Variants in GALNT13 observed in about 807,000 individuals in gnomAD.
GALNT13 encodes UDP-GalNAc:polypeptide N-acetylgalactosaminyltransferase 13.
A neutral mutation model predicts 64.2 loss-of-function variants in GALNT13; 28 were observed. The observed-to-expected ratio is 0.44, with a 90% CI of 0.32 to 0.60. The LOEUF (loss-of-function observed/expected upper bound fraction) is 0.60. GALNT13 is among the 20% of genes least tolerant of loss of function. GALNT13 has a pLI of 0.05. For missense variants in GALNT13, 577 were observed against 669.8 expected (o/e 0.86, Z 1.53); for synonymous variants, 214 against 224.6 (o/e 0.95, Z 0.42).
chr2:153,358,924 C>A, the GALNT13 span, among the ~76,000 whole-genome samples: 5 of 152,078 alleles, frequency 3.3e-5, no homozygotes, highest in African/African-American at 9.7e-5. Context: ...AAAACATAGG[C>A]ATGAGATCAT....
At chr2:154,412,286 C>T (rs1699828202) in intron 11 of GALNT13, among the ~76,000 whole-genome samples, 1 of 151,648 alleles carries the variant, frequency 6.6e-6, no homozygotes, top group South Asian at 2.1e-4. Flanking sequence ...ATACTAGGAA[C>T]CTGTTTCAGG....
chr2:154,154,992 A>T (rs1483444808), intron 4 of GALNT13, among the ~76,000 whole-genome samples: 2 of 151,798 alleles, frequency 1.3e-5, no homozygotes, highest in Non-Finnish European at 2.9e-5. Context: ...ACAAAGAGAA[A>T]CACATAAATG....
intron 10 of GALNT13, among the ~76,000 whole-genome samples, chr2:154,408,124 C>A (rs1699636599): frequency 6.6e-6 from 1 of 152,002 alleles, no homozygotes; most frequent in South Asian, 2.1e-4. Flanking sequence ...GGGGTTGAGA[C>A]TAAGTAAAAA....
chr2:154,289,597 A>G (rs919300742), intron 8 of GALNT13, among the ~76,000 whole-genome samples: 4 of 152,156 alleles, frequency 2.6e-5, no homozygotes, highest in African/African-American at 9.7e-5. Flanking sequence ...CCATGATTCA[A>G]TTACCTCCCA....
At chr2:153,825,084 A>G in the GALNT13 span, among the ~76,000 whole-genome samples, 1 of 152,156 alleles carries the variant, frequency 6.6e-6, no homozygotes, top group Non-Finnish European at 1.5e-5. Flanking sequence ...CAGGTATTCA[A>G]CCAAATGCTA....
the GALNT13 span, among the ~76,000 whole-genome samples, chr2:153,549,525 G>A: frequency 2.6e-5 from 4 of 152,184 alleles, no homozygotes; most frequent in African/African-American, 7.2e-5. Context: ...AGAGCTCCAA[G>A]AGAAATTGTG....
intron 9 of GALNT13, among the ~76,000 whole-genome samples, chr2:154,349,169 A>T (rs1188899254): frequency 6.6e-6 from 1 of 152,210 alleles, no homozygotes; most frequent in Non-Finnish European, 1.5e-5. Flanking sequence ...GTATAATCCA[A>T]GGAGAGAGCT....
chr2:154,150,060 G>A (rs1683890656), intron 4 of GALNT13, among the ~76,000 whole-genome samples: 1 of 152,102 alleles, frequency 6.6e-6, no homozygotes, highest in Non-Finnish European at 1.5e-5. Flanking sequence ...TATTCGCTGT[G>A]GGTTTGTCAT....
chr2:153,092,963 A>G, the GALNT13 span, among the ~76,000 whole-genome samples: 4 of 151,434 alleles, frequency 2.6e-5, no homozygotes, highest in Admixed American at 2.0e-4. Flanking sequence ...GTTTTTTCCC[A>G]TTTAATATAT....
chr2:153,366,599 A>G, the GALNT13 span, among the ~76,000 whole-genome samples: 19 of 151,962 alleles, frequency 1.3e-4, no homozygotes, highest in Admixed American at 1.3e-4. Context: ...AGAAAATGGA[A>G]GAAATATTTG....
chr2:153,308,926 A>C, the GALNT13 span, among the ~76,000 whole-genome samples: 466 of 152,206 alleles, frequency 3.1e-3, 2 homozygotes, highest in African/African-American at 0.011. Context: ...AGAGAAAAAA[A>C]ATTTTTTTTA....
chr2:153,757,263 T>C, the GALNT13 span, among the ~76,000 whole-genome samples: 2 of 151,706 alleles, frequency 1.3e-5, no homozygotes, highest in Non-Finnish European at 2.9e-5. Context: ...TACAAGAACA[T>C]GTGGCCTTTG....
chr2:153,869,243 T>C (rs538882511), upstream of GALNT13, among the ~76,000 whole-genome samples: 2 of 152,194 alleles, frequency 1.3e-5, no homozygotes, highest in Non-Finnish European at 2.9e-5. Flanking sequence ...ACTAATTTGA[T>C]TATAAATAAA....
intron 9 of GALNT13, among the ~76,000 whole-genome samples, chr2:154,381,763 G>A (rs1698284919): frequency 6.6e-6 from 1 of 152,022 alleles, no homozygotes; most frequent in African/African-American, 2.4e-5. Context: ...GCAAATGGTT[G>A]GAACTTTGAT....
At chr2:153,248,790 TG>T in the GALNT13 span, among the ~76,000 whole-genome samples, 1 of 123,412 alleles carries the variant, frequency 8.1e-6, no homozygotes, top group African/African-American at 3.2e-5. Context: ...CGCTCCAGCC[TG>T]GGCGACTGAG....
At chr2:154,380,382 T>A (rs181244555) in intron 9 of GALNT13, among the ~76,000 whole-genome samples, 1 of 152,162 alleles carries the variant, frequency 6.6e-6, no homozygotes. Flanking sequence ...GATTCTAGGA[T>A]GACATTTTGG....
chr2:153,529,450 C>T, the GALNT13 span, among the ~76,000 whole-genome samples: 1 of 151,796 alleles, frequency 6.6e-6, no homozygotes, highest in Non-Finnish European at 1.5e-5. Flanking sequence ...AGCTCAGCAA[C>T]TAATGGCTTC....
intron 4 of GALNT13, among the ~76,000 whole-genome samples, chr2:154,141,062 T>G (rs541192082): frequency 6.6e-6 from 1 of 152,232 alleles, no homozygotes; most frequent in East Asian, 1.9e-4. Context: ...TTTTTGTATC[T>G]AAACATAGAA....
intron 3 of GALNT13, among the ~76,000 whole-genome samples, chr2:153,992,158 C>T (rs1201918176): frequency 2.6e-5 from 4 of 151,968 alleles, no homozygotes; most frequent in Admixed American, 6.6e-5. Context: ...GTTTTCAATC[C>T]GTAAGTTCTT....
Sources: allele counts gnomAD v4.1 joint callset (sites outside exome capture counted in the v4.1 genomes callset), GRCh38; gene constraint gnomAD v4.1.1; transcripts MANE v1.5; gene names NCBI Gene and HGNC (gene_info 2026-07-23, HGNC 2026-07-21).